Variants in CERS6 observed in about 807,000 individuals in gnomAD.
The protein encoded by CERS6 is ceramide synthase 6, also known as LAG1 homolog, ceramide synthase 6.
A neutral mutation model predicts 56.8 loss-of-function variants in CERS6; 26 were observed. That is an observed-to-expected ratio of 0.46 (90% CI 0.34 to 0.63). The LOEUF (loss-of-function observed/expected upper bound fraction) is 0.63. Among genes scored for constraint, CERS6 ranks in the 30% least tolerant of loss-of-function variants. The pLI, the probability that CERS6 is intolerant of heterozygous loss-of-function variation, is 0.01. For missense variants in CERS6, 415 were observed against 467.5 expected, an observed-to-expected ratio of 0.89 and a Z score of 1.04; for synonymous variants, 164 against 173.3, an observed-to-expected ratio of 0.95 and a Z score of 0.42.
At chr2:168,669,567 C>A (rs1169854746) in intron 4 of CERS6, among the ~76,000 whole-genome samples, 3 of 152,126 alleles carry the variant, frequency 2.0e-5, no homozygotes, top group South Asian at 2.1e-4. Flanking sequence ...ATAAAGCCAC[C>A]CTCTTCATAC....
At chr2:168,729,812 G>T (rs893472401) in intron 8 of CERS6, among the ~76,000 whole-genome samples, 1 of 152,140 alleles carries the variant, frequency 6.6e-6, no homozygotes, top group African/African-American at 2.4e-5. Context: ...TGTTTCCCAG[G>T]CAAGAGAGCA....
intron 4 of CERS6, chr2:168,644,222 G>A: frequency 1.1e-6 from 1 of 924,668 alleles, no homozygotes; most frequent in Non-Finnish European, 1.3e-6. Context: ...ATTTCAGATA[G>A]GGTGCTCAGG....
chr2:168,608,635 A>G (rs916206773), intron 3 of CERS6, among the ~76,000 whole-genome samples: 4 of 152,290 alleles, frequency 2.6e-5, no homozygotes, highest in Admixed American at 6.5e-5. Flanking sequence ...TTGAATAATG[A>G]TGTTGCATTA....
chr2:168,624,610 C>A lies in CERS6; in HGVS notation c.408-6375C>A, dbSNP rs946356351. Among the ~76,000 whole-genome samples the A allele has an allele frequency of 6.6e-5, 10 of 152,104 alleles. No individual in the cohort carries two copies. In the South Asian group the frequency reaches 2.1e-3, roughly 32 times the overall value. On this transcript the variant is annotated intron_variant, in intron 3 of 9. Coordinates refer to ENST00000305747, the MANE Select transcript of CERS6 (RefSeq NM_203463.3). ...GTTTTGTAAAAATAAATAGGTGACA[C>A]CCCCCACCCCAAGAGAACCTACTAT...
At chr2:168,474,457 C>T (rs1413907285) in intron 1 of CERS6, among the ~76,000 whole-genome samples, 1 of 152,178 alleles carries the variant, frequency 6.6e-6, no homozygotes, top group East Asian at 1.9e-4. Context: ...CCTACCAACG[C>T]AGTATGAGGA....
In CERS6 at chr2:168,658,284, C is replaced by T. The variant is rs560874452; in HGVS notation, c.465+27242C>T. Among the ~76,000 whole-genome samples the T allele has an allele frequency of 9.2e-5, 14 of 152,254 alleles. No individual in the cohort carries two copies. The East Asian group carries it at 2.5e-3, about 27-fold the overall frequency. On this transcript the variant is annotated intron_variant, in intron 4 of 9. Coordinates refer to ENST00000305747, the MANE Select transcript of CERS6 (RefSeq NM_203463.3). The stretch of plus-strand genomic sequence containing the variant: ...TACAACAGGTTTTCTCTTTTAGGGT[C>T]CTTGACGAGATCCCAAGGAAGTAGA...
intron 1 of CERS6, among the ~76,000 whole-genome samples, chr2:168,460,677 A>T (rs766848965): frequency 6.6e-6 from 1 of 152,100 alleles, no homozygotes; most frequent in African/African-American, 2.4e-5. Context: ...GTTTCCTTAG[A>T]CCTCTTTTAG....
At chr2:168,563,226 G>T (rs1695823924) in intron 3 of CERS6, among the ~76,000 whole-genome samples, 1 of 152,190 alleles carries the variant, frequency 6.6e-6, no homozygotes, top group African/African-American at 2.4e-5. Flanking sequence ...GTCACACTTT[G>T]TGTAGCAAGT....
intron 1 of CERS6, among the ~76,000 whole-genome samples, chr2:168,464,775 C>T (rs79331373): frequency 6.6e-6 from 1 of 151,068 alleles, no homozygotes; most frequent in South Asian, 2.1e-4. Flanking sequence ...GTCAAAAAAA[C>T]CAAACAAACA....
intron 6 of CERS6, among the ~76,000 whole-genome samples, chr2:168,699,964 G>T (rs1289662125): frequency 2.0e-5 from 3 of 152,198 alleles, no homozygotes; most frequent in Non-Finnish European, 4.4e-5. Flanking sequence ...TTTTAACTAA[G>T]CTGCTGTTTG....
intron 3 of CERS6, among the ~76,000 whole-genome samples, chr2:168,598,447 T>C (rs1361501025): frequency 2.0e-5 from 3 of 152,136 alleles, no homozygotes; most frequent in Non-Finnish European, 4.4e-5. Flanking sequence ...TTCCTTGTTA[T>C]GCATTCCTAT....
intron 4 of CERS6, among the ~76,000 whole-genome samples, chr2:168,636,689 T>C (rs1037453445): frequency 2.6e-5 from 4 of 152,144 alleles, no homozygotes; most frequent in Non-Finnish European, 5.9e-5. Context: ...CGAAAGGAAA[T>C]TCTTCAGTGC....
chr2:168,768,780 C>A (rs1684786981), intron 9 of CERS6, among the ~76,000 whole-genome samples: 1 of 151,768 alleles, frequency 6.6e-6, no homozygotes, highest in Non-Finnish European at 1.5e-5. Context: ...GTGGCTCATG[C>A]CTGTAATCCT....
intron 1 of CERS6, among the ~76,000 whole-genome samples, chr2:168,504,690 C>G (rs187151055): frequency 2.0e-5 from 3 of 152,050 alleles, no homozygotes; most frequent in Non-Finnish European, 2.9e-5. Flanking sequence ...GTTAATGGCT[C>G]TTAGGTCTTG....
intron 4 of CERS6, among the ~76,000 whole-genome samples, chr2:168,657,618 G>A (rs1685517502): frequency 6.6e-6 from 1 of 152,230 alleles, no homozygotes; most frequent in Non-Finnish European, 1.5e-5. Flanking sequence ...GAGAAATCAA[G>A]TGCAGCGCCT....
At chr2:168,643,556 CTTA>C (rs1456820119) in intron 4 of CERS6, among the ~76,000 whole-genome samples, 2 of 152,176 alleles carry the variant, frequency 1.3e-5, no homozygotes, top group Non-Finnish European at 2.9e-5. Flanking sequence ...CTATACATCA[CTTA>C]TTATAACTAT....
rs561096850 is a variant in CERS6, at chr2:168,518,279, G to A, written c.171-29317G>A. ...ATTCTATAAATTCCTAGAAGGTGGG[G>A]GAATACTTTTTTATTCCTCTCTTAA... is the stretch of plus-strand genomic sequence containing the variant. On this transcript the variant is annotated intron_variant, in intron 1 of 9. Transcript: ENST00000305747. Among the ~76,000 whole-genome samples the A allele has an allele frequency of 5.3e-5, 8 of 152,184 alleles. No homozygotes were observed. In the South Asian group the frequency reaches 1.7e-3, roughly 32 times the overall value.
At chr2:168,474,935 C>T (rs1425096107) in intron 1 of CERS6, among the ~76,000 whole-genome samples, 1 of 152,056 alleles carries the variant, frequency 6.6e-6, no homozygotes. Flanking sequence ...GAAGAATTAC[C>T]TTATGATTAA....
chr2:168,541,051 T>C (rs1470708555), intron 1 of CERS6, among the ~76,000 whole-genome samples: 1 of 152,182 alleles, frequency 6.6e-6, no homozygotes, highest in East Asian at 1.9e-4. Flanking sequence ...CCACTCATGA[T>C]GGAAGGTGAA....
Sources: allele counts gnomAD v4.1 joint callset (sites outside exome capture counted in the v4.1 genomes callset), GRCh38; gene constraint gnomAD v4.1.1; transcripts MANE v1.5; gene names NCBI Gene and HGNC (gene_info 2026-07-23, HGNC 2026-07-21).